Variants in NBEA observed in about 807,000 individuals in gnomAD.
NBEA encodes neurobeachin.
In NBEA, 44 loss-of-function variants were observed where a neutral mutation model predicts 343.4. That is an observed-to-expected ratio of 0.13 (90% CI 0.10 to 0.16). The LOEUF (loss-of-function observed/expected upper bound fraction) is 0.16, where lower values mean the gene tolerates loss of function less well. Ranked by LOEUF, NBEA falls within the 10% of genes least tolerant of loss-of-function variation. NBEA has a pLI of 1.00. For synonymous variants in NBEA, 1,175 were observed against 1,238.7 expected, an observed-to-expected ratio of 0.95 and a Z score of 1.08; for missense variants, 2,555 against 3,631.3, an observed-to-expected ratio of 0.70 and a Z score of 7.62.
chr13:35,557,613 C>G (rs920213183), intron 44 of NBEA, among the ~76,000 whole-genome samples: 78 of 152,102 alleles, frequency 5.1e-4, no homozygotes, highest in African/African-American at 1.8e-3. Context: ...TGGGTACTTC[C>G]TTTGCAATTA....
chr13:35,001,887 T>C (rs1266527867), intron 1 of NBEA, among the ~76,000 whole-genome samples: 1 of 152,212 alleles, frequency 6.6e-6, no homozygotes, highest in Non-Finnish European at 1.5e-5. Flanking sequence ...TTCATCATTA[T>C]ACATTGTATG....
intron 6 of NBEA, among the ~76,000 whole-genome samples, chr13:35,052,059 G>A (rs2063081869): frequency 6.6e-6 from 1 of 151,972 alleles, no homozygotes; most frequent in Non-Finnish European, 1.5e-5. Context: ...GTGAATCTAA[G>A]GGGTCTAGTT....
At chr13:35,242,801 A>G (rs1327235998) in intron 34 of NBEA, among the ~76,000 whole-genome samples, 1 of 151,856 alleles carries the variant, frequency 6.6e-6, no homozygotes, top group East Asian at 1.9e-4. Flanking sequence ...TACTACCTCC[A>G]GCAAAACTGT....
chr13:35,160,090 C>A, intron 22 of NBEA, 58 bp downstream of exon 22: 1 of 1,398,764 alleles, frequency 7.1e-7, no homozygotes, highest in Non-Finnish European at 9.5e-7. Flanking sequence ...GAGTTGTTAG[C>A]ACCAAAACAG....
At chr13:35,480,534 T>A (rs1000741626) in intron 41 of NBEA, among the ~76,000 whole-genome samples, 1 of 152,064 alleles carries the variant, frequency 6.6e-6, no homozygotes, top group African/African-American at 2.4e-5. Flanking sequence ...TATTAATGAA[T>A]TTAAAGTTTT....
rs561422899 is a variant in NBEA at position 35,482,686 on chromosome 13, TA to T, written c.6585+10151del. On this transcript the variant is annotated intron_variant, in intron 41 of 58. Coordinates refer to ENST00000379939, the MANE Select transcript of NBEA (RefSeq NM_001385012.1). ...TATAGCTTTGTTTTTCTGTGAAATT[TA>T]TTTTTTTTAAGTTAGATATGTCTGT... 2.6e-5 allele frequency among the ~76,000 whole-genome samples: 4 copies of T among 151,864 alleles called. No homozygotes were observed. In the East Asian group the frequency reaches 7.7e-4, roughly 29 times the overall value.
chr13:35,552,844 G>A (rs555744238), intron 43 of NBEA, among the ~76,000 whole-genome samples: 2 of 151,868 alleles, frequency 1.3e-5, no homozygotes, highest in African/African-American at 2.4e-5. Context: ...GATGAGTATT[G>A]TTTCCCTTTT....
At chr13:35,329,320 C>T (rs1396405847) in intron 36 of NBEA, among the ~76,000 whole-genome samples, 1 of 151,834 alleles carries the variant, frequency 6.6e-6, no homozygotes, top group East Asian at 1.9e-4. Context: ...TACCATATGT[C>T]CTAATAATTC....
At chr13:35,274,011 T>G (rs1313977270) in intron 34 of NBEA, among the ~76,000 whole-genome samples, 2 of 152,200 alleles carry the variant, frequency 1.3e-5, no homozygotes, top group Non-Finnish European at 2.9e-5. Context: ...CTTAACTCAT[T>G]TTATGAAGCC....
chr13:35,087,232 A>G (rs117980137), intron 10 of NBEA, among the ~76,000 whole-genome samples: 6,941 of 151,894 alleles, frequency 0.046, 237 homozygotes, highest in Non-Finnish European at 0.067. Context: ...TACTGAAACA[A>G]TAAAACAACT....
chr13:35,239,523 T>G (rs2029873446), intron 34 of NBEA, among the ~76,000 whole-genome samples: 1 of 152,150 alleles, frequency 6.6e-6, no homozygotes, highest in Admixed American at 6.6e-5. Flanking sequence ...TCTAATTATT[T>G]TATCCCGTGT....
At chr13:35,588,800 C>A (rs1339450779) in intron 46 of NBEA, among the ~76,000 whole-genome samples, 1 of 152,134 alleles carries the variant, frequency 6.6e-6, no homozygotes, top group East Asian at 1.9e-4. Flanking sequence ...CCCTGGCTTG[C>A]TGACCACTCA....
At chr13:35,017,128 A>C (rs1259363358) in intron 1 of NBEA, among the ~76,000 whole-genome samples, 1 of 152,170 alleles carries the variant, frequency 6.6e-6, no homozygotes, top group African/African-American at 2.4e-5. Flanking sequence ...GGAAGGGAGC[A>C]AAGGCAAAAA....
chr13:35,474,645 A>G (rs2075785172), intron 41 of NBEA: 2 of 162,502 alleles, frequency 1.2e-5, no homozygotes, highest in Non-Finnish European at 2.7e-5. Flanking sequence ...CAAAATATAC[A>G]TTACAGTTTC....
At chr13:35,419,778 G>A (rs2044159677) in intron 38 of NBEA, among the ~76,000 whole-genome samples, 1 of 151,834 alleles carries the variant, frequency 6.6e-6, no homozygotes, top group Non-Finnish European at 1.5e-5. Flanking sequence ...ACAAAGCTCT[G>A]AGATAGATAT....
chr13:35,404,467 A>G (rs2043162375), intron 38 of NBEA, among the ~76,000 whole-genome samples: 1 of 151,628 alleles, frequency 6.6e-6, no homozygotes, highest in Admixed American at 6.6e-5. Context: ...CATGGATGAA[A>G]TTGGAAACCA....
rs929893966 is a variant in NBEA at position 35,578,608 on chromosome 13, G to A, written c.7036-5290G>A. 2.0e-5 allele frequency among the ~76,000 whole-genome samples: 3 copies of A among 152,166 alleles called. No individual in the cohort carries two copies. The East Asian group carries it at 5.8e-4, about 29-fold the overall frequency. ...GTTTCCTCCTCATGAAATTAGGTTC[G>A]TATTGAATGCCTTGCTGACCTCAGA... is the stretch of plus-strand genomic sequence containing the variant. On this transcript the variant is annotated intron_variant, in intron 45 of 58. Coordinates refer to ENST00000379939, the MANE Select transcript of NBEA (RefSeq NM_001385012.1).
chr13:35,354,098 T>C (rs571833001), intron 38 of NBEA, among the ~76,000 whole-genome samples: 53 of 152,286 alleles, frequency 3.5e-4, no homozygotes, highest in African/African-American at 1.3e-3. Context: ...TGACTGTAGA[T>C]GTTAATCATA....
At chr13:35,491,088 G>A (rs972079955) in intron 41 of NBEA, among the ~76,000 whole-genome samples, 7 of 151,850 alleles carry the variant, frequency 4.6e-5, no homozygotes, top group African/African-American at 1.7e-4. Context: ...ACAGTAACTA[G>A]CAAAGATAGG....
Sources: allele counts gnomAD v4.1 joint callset (sites outside exome capture counted in the v4.1 genomes callset), GRCh38; gene constraint gnomAD v4.1.1; transcripts MANE v1.5; gene names NCBI Gene and HGNC (gene_info 2026-07-23, HGNC 2026-07-21).